NLK: variants seen among roughly 807,000 people sequenced by gnomAD.
NLK encodes nemo like kinase.
In NLK, 11 loss-of-function variants were observed where a neutral mutation model predicts 59.0. The observed-to-expected ratio is 0.19, with a 90% CI of 0.12 to 0.31. The LOEUF is 0.31. Ranked by LOEUF, NLK falls within the 10% of genes least tolerant of loss-of-function variation. NLK has a pLI of 1.00. For synonymous variants in NLK, 235 were observed against 235.9 expected (o/e 1.00, Z 0.03); for missense variants, 410 against 661.1 (o/e 0.62, Z 4.16).
rs141209598 is a variant in NLK, at chr17:28,149,325, A to G, written c.645-11835A>G. Among the ~76,000 whole-genome samples, 326 of 152,284 alleles carry G rather than the reference A, an allele frequency of 2.1e-3. 1 individual carries two copies. Among genetic ancestry groups the G allele is most frequent in the African/African-American group, 7.4e-3 (307 of 41,550 alleles). ...GCAATCTTCCTGCCTCGGCCTCCCA[A>G]AGTGCCGGGTTTATAGGTGTGAGCC... On this transcript the variant is annotated intron_variant, in intron 3 of 10. Coordinates refer to ENST00000407008, the MANE Select transcript of NLK (RefSeq NM_016231.5).
chr17:28,148,732 CAAACAGATA>C (rs1333220728), intron 3 of NLK, among the ~76,000 whole-genome samples: 1 of 152,102 alleles, frequency 6.6e-6, no homozygotes. Flanking sequence ...TACTTTTCAG[CAAACAGATA>C]AATCCTCTGC....
At chr17:28,156,534 C>T (rs899092240) in intron 3 of NLK, among the ~76,000 whole-genome samples, 6 of 152,136 alleles carry the variant, frequency 3.9e-5, no homozygotes, top group African/African-American at 1.4e-4. Flanking sequence ...ACATTTCTGC[C>T]TGCCCTTCAC....
chr17:28,202,269 G>T, the NLK span, among the ~76,000 whole-genome samples: 281 of 152,246 alleles, frequency 1.8e-3, 1 homozygote, highest in African/African-American at 6.4e-3. Context: ...ACATGGTAGT[G>T]CCTGTAGTTT....
chr17:28,075,991 A>G (rs1910152005), intron 1 of NLK, among the ~76,000 whole-genome samples: 1 of 152,172 alleles, frequency 6.6e-6, no homozygotes, highest in Non-Finnish European at 1.5e-5. Context: ...TGGTGAAGTG[A>G]AAAGCCCAGT....
intron 1 of NLK, among the ~76,000 whole-genome samples, chr17:28,072,061 C>T (rs1910023038): frequency 6.6e-6 from 1 of 152,174 alleles, no homozygotes; most frequent in African/African-American, 2.4e-5. Flanking sequence ...CTTATCTAAC[C>T]TTTTCTCCTT....
chr17:28,161,269 A>G lies in NLK; in HGVS notation c.751+3A>G. ...TTTTCTTTATCAGATTTTGCGAGGT[A>G]AGATTTCTTTATGAAGAAAAAGGTG... is the stretch of plus-strand genomic sequence containing the variant. On this transcript the variant is annotated splice_donor_region_variant and intron_variant, in intron 4 of 10. Coordinates refer to ENST00000407008, the MANE Select transcript of NLK (RefSeq NM_016231.5). 6.4e-7 allele frequency: 1 copy of G among 1,559,664 alleles called. No homozygotes were observed. The highest frequency in any genetic ancestry group is 8.8e-7 in the Non-Finnish European group (1 of 1,130,556).
chr17:28,153,759 A>G (rs565782748), intron 3 of NLK, among the ~76,000 whole-genome samples: 5 of 152,304 alleles, frequency 3.3e-5, no homozygotes, highest in African/African-American at 7.2e-5. Context: ...GCAACTCAAG[A>G]ATATTGGGAC....
At chr17:28,155,504 A>G (rs1419023774) in intron 3 of NLK, among the ~76,000 whole-genome samples, 1 of 152,204 alleles carries the variant, frequency 6.6e-6, no homozygotes, top group East Asian at 1.9e-4. Flanking sequence ...GGCCCTATTC[A>G]CAATAGCAAA....
At chr17:28,097,943 C>T (rs778084941) in intron 1 of NLK, among the ~76,000 whole-genome samples, 8 of 152,106 alleles carry the variant, frequency 5.3e-5, no homozygotes, top group Non-Finnish European at 1.2e-4. Flanking sequence ...TGAATGTTTA[C>T]AGGGTAACCT....
chr17:28,084,879 TA>T (rs1567709647), intron 1 of NLK, among the ~76,000 whole-genome samples: 1 of 152,216 alleles, frequency 6.6e-6, no homozygotes, highest in Non-Finnish European at 1.5e-5. Context: ...CTACCTTTTC[TA>T]TTTTTTGCAG....
intron 1 of NLK, among the ~76,000 whole-genome samples, chr17:28,084,194 T>G (rs1419291161): frequency 6.6e-6 from 1 of 152,178 alleles, no homozygotes; most frequent in Non-Finnish European, 1.5e-5. Flanking sequence ...CTATGAGTAT[T>G]GTTTCCTCAT....
chr17:28,176,460 C>G (rs1307026332), intron 7 of NLK, among the ~76,000 whole-genome samples: 3 of 152,162 alleles, frequency 2.0e-5, no homozygotes, highest in Admixed American at 2.0e-4. Context: ...TATATACTAG[C>G]TCATTAAATT....
intron 1 of NLK, among the ~76,000 whole-genome samples, chr17:28,068,069 A>G (rs1478972875): frequency 1.3e-5 from 2 of 149,424 alleles, no homozygotes; most frequent in African/African-American, 4.9e-5. Context: ...TGAAGCCGAG[A>G]GGTGGAGGTT....
At chr17:28,086,193 T>G (rs1910511475) in intron 1 of NLK, among the ~76,000 whole-genome samples, 1 of 152,164 alleles carries the variant, frequency 6.6e-6, no homozygotes. Flanking sequence ...GATTTACAAG[T>G]TTTTTGTTTC....
intron 2 of NLK, among the ~76,000 whole-genome samples, chr17:28,123,754 TG>T (rs538272246): frequency 6.6e-6 from 1 of 152,310 alleles, no homozygotes; most frequent in South Asian, 2.1e-4. Context: ...AATAGACTCG[TG>T]TTTTGACAGA....
intron 1 of NLK, among the ~76,000 whole-genome samples, chr17:28,078,232 T>A (rs761063059): frequency 2.6e-5 from 4 of 152,160 alleles, no homozygotes; most frequent in Non-Finnish European, 4.4e-5. Context: ...AGGAGGAAAT[T>A]AAAATTTAAT....
intron 7 of NLK, among the ~76,000 whole-genome samples, chr17:28,184,033 TTATAAGCTC>T (rs1909018683): frequency 6.6e-6 from 1 of 152,220 alleles, no homozygotes; most frequent in African/African-American, 2.4e-5. Context: ...AATGGAAGCT[TTATAAGCTC>T]TATGGCTTCT....
chr17:28,204,115 G>C, the NLK span, among the ~76,000 whole-genome samples: 1 of 152,202 alleles, frequency 6.6e-6, no homozygotes, highest in Non-Finnish European at 1.5e-5. Flanking sequence ...TTTTTAAACT[G>C]TCACAATTAT....
intron 8 of NLK, among the ~76,000 whole-genome samples, chr17:28,187,065 T>A (rs1241448597): frequency 6.6e-6 from 1 of 152,244 alleles, no homozygotes; most frequent in Non-Finnish European, 1.5e-5. Context: ...TTTTATATGG[T>A]TAACAAAACT....
Sources: gnomAD v4.1 joint callset for allele counts (sites outside exome capture counted in the v4.1 genomes callset) on GRCh38, gnomAD v4.1.1 for gene constraint, MANE v1.5 for transcripts, NCBI Gene and HGNC (gene_info 2026-07-23, HGNC 2026-07-21) for gene names.